ACACB: variants seen among roughly 807,000 people sequenced by gnomAD.
The protein encoded by ACACB is acetyl-CoA carboxylase 2.
Under a neutral mutation model 278.8 loss-of-function variants are expected in ACACB, and 209 were observed. That is an observed-to-expected ratio of 0.75 (90% CI 0.67 to 0.84). The LOEUF (loss-of-function observed/expected upper bound fraction) is 0.84. Ranked by LOEUF, ACACB falls within the 40% of genes least tolerant of loss-of-function variation. The pLI is 0.00. For missense variants in ACACB, 2,850 were observed against 3,269.0 expected, an observed-to-expected ratio of 0.87 and a Z score of 3.13; for synonymous variants, 1,174 against 1,285.6, an observed-to-expected ratio of 0.91 and a Z score of 1.86.
chr12:109,124,654 C>T (rs1043913585), intron 1 of ACACB, among the ~76,000 whole-genome samples: 7 of 152,120 alleles, frequency 4.6e-5, no homozygotes, highest in Non-Finnish European at 1.0e-4. Flanking sequence ...TTTCTACTTC[C>T]GTCAATCTTT....
intron 1 of ACACB, among the ~76,000 whole-genome samples, chr12:109,139,191 C>T (rs980739694): frequency 3.3e-5 from 5 of 152,100 alleles, no homozygotes; most frequent in African/African-American, 1.2e-4. Context: ...TTCCTTGAAC[C>T]TTGGCAGGAA....
At chr12:109,221,478 G>C (rs1334779311) in intron 24 of ACACB, among the ~76,000 whole-genome samples, 1 of 152,196 alleles carries the variant, frequency 6.6e-6, no homozygotes, top group East Asian at 1.9e-4. Flanking sequence ...AACACCGGCT[G>C]CACCCAGGCC....
chr12:109,260,172 G>A, intron 47 of ACACB: 4 of 1,422,246 alleles, frequency 2.8e-6, no homozygotes, highest in East Asian at 7.0e-5. Context: ...TTTCTTTGCT[G>A]GAAATGGTGG....
At chr12:109,210,503 G>C (rs1210622756) in intron 21 of ACACB, among the ~76,000 whole-genome samples, 1 of 146,008 alleles carries the variant, frequency 6.8e-6, no homozygotes, top group Non-Finnish European at 1.5e-5. Flanking sequence ...ACATGTATGT[G>C]TATATACGCA....
chr12:109,155,840 C>T (rs1295128392), intron 2 of ACACB, among the ~76,000 whole-genome samples: 3 of 151,922 alleles, frequency 2.0e-5, no homozygotes, highest in Admixed American at 6.6e-5. Flanking sequence ...TCAGTGTCTA[C>T]GAAAAAAGTT....
chr12:109,126,075 G>C (rs1295400992), intron 1 of ACACB, among the ~76,000 whole-genome samples: 5 of 152,196 alleles, frequency 3.3e-5, no homozygotes, highest in African/African-American at 1.2e-4. Flanking sequence ...AATACCTGCT[G>C]ATGAATGAGT....
At chr12:109,194,512 A>ATGTGTGTGCG (rs1555218202) in intron 16 of ACACB, among the ~76,000 whole-genome samples, 13 of 88,744 alleles carry the variant, frequency 1.5e-4, no homozygotes, top group African/African-American at 4.7e-4. Context: ...CTGTGTGTGC[A>ATGTGTGTGCG]TGTGTGTGTG....
intron 25 of ACACB, 83 bp from the exon 26 acceptor site, chr12:109,222,716 C>T (rs563746219): frequency 4.0e-6 from 6 of 1,511,950 alleles, no homozygotes; most frequent in Middle Eastern, 1.7e-4. Context: ...ACAGTCCCAC[C>T]GTGCTGCCGG....
intron 2 of ACACB, 47 bp from the exon 3 acceptor site, chr12:109,166,814 C>T (rs374895333): frequency 5.6e-6 from 9 of 1,613,226 alleles, no homozygotes; most frequent in Non-Finnish European, 5.9e-6. Context: ...CTCTGAGTCC[C>T]AGGCTTCTTC....
intron 28 of ACACB, among the ~76,000 whole-genome samples, chr12:109,230,126 C>T (rs900922623): frequency 6.6e-6 from 1 of 152,104 alleles, no homozygotes; most frequent in Non-Finnish European, 1.5e-5. Flanking sequence ...TTTGGTGAAG[C>T]GGGGATTTTT....
chr12:109,131,459 TG>T (rs1333289988), intron 1 of ACACB: 2 of 152,472 alleles, frequency 1.3e-5, no homozygotes, highest in Non-Finnish European at 2.9e-5. Flanking sequence ...GAGTTAATCT[TG>T]GTGGGAGGAA....
intron 6 of ACACB, 53 bp from the exon 7 acceptor site, chr12:109,174,079 A>G: frequency 1.3e-6 from 2 of 1,511,316 alleles, no homozygotes; most frequent in Non-Finnish European, 1.8e-6. Flanking sequence ...TTCAGCCTCG[A>G]GGGTCTTGTG....
At chr12:109,182,658 C>T (rs1485180177) in intron 11 of ACACB, among the ~76,000 whole-genome samples, 1 of 152,224 alleles carries the variant, frequency 6.6e-6, no homozygotes. Flanking sequence ...GCATGAGTCA[C>T]CATGCTCATC....
intron 17 of ACACB, among the ~76,000 whole-genome samples, chr12:109,199,154 C>G (rs978716921): frequency 1.3e-5 from 2 of 151,948 alleles, no homozygotes; most frequent in African/African-American, 2.4e-5. Flanking sequence ...CGCGCCACTG[C>G]ACTCCAGCCT....
At position 109,206,598 on chromosome 12, in the gene ACACB, ATCCTC is replaced by A. The variant is rs1565920955; in HGVS notation, c.2914-111_2914-107del. On this transcript the variant is annotated intron_variant, in intron 19 of 52. Coordinates refer to ENST00000338432, the MANE Select transcript of ACACB (RefSeq NM_001093.4). ...GTCTTTGATTTTTTCCTCAGACCTC[ATCCTC>A]ACTTGATTACGGAAGCCGGCAGATC... 3.8e-6 allele frequency: 5 copies of A among 1,303,010 alleles called. No homozygotes were observed. In the African/African-American group the frequency reaches 7.4e-5, roughly 19 times the overall value. 80.7% of individuals were successfully genotyped at this position (1,303,010 alleles called of 1,614,324 possible).
chr12:109,167,902 A>G lies in ACACB; in HGVS notation c.793A>G (p.Ile265Val). Residue 265 changes from isoleucine to valine, a missense_variant, in exon 4 of 53, where the codon ATT becomes GTT. Coordinates refer to ENST00000338432, the MANE Select transcript of ACACB (RefSeq NM_001093.4). ...GGDRVIEKVLIANNGIAAVKC... is the reference protein window; with the variant it reads ...GGDRVIEKVLVANNGIAAVKC... ...TCCTTGTCTTCCCATGCAGGTGCTT[A>G]TTGCCAACAACGGGATTGCCGCCGT... 6.2e-7 allele frequency: 1 copy of G among 1,613,780 alleles called. No homozygotes were observed. The highest frequency in any genetic ancestry group is 8.5e-7 in the Non-Finnish European group (1 of 1,179,938).
rs549064402 is a variant in ACACB, at chr12:109,140,634, G to A, written c.653+576G>A. Among the ~76,000 whole-genome samples, 495 of 152,246 alleles carry A rather than the reference G, an allele frequency of 3.3e-3. 2 individuals are homozygous for A. Among genetic ancestry groups the A allele is most frequent in the African/African-American group, 0.012 (478 of 41,540 alleles). On this transcript the variant is annotated intron_variant, in intron 2 of 52. Transcript: ENST00000338432. ...ATCACGTCACTGCACTCCAGCCTGGGTGACAGGGCGAGACCTTGTCTCAAA... is the reference window on the plus strand; with the variant it reads ...ATCACGTCACTGCACTCCAGCCTGGATGACAGGGCGAGACCTTGTCTCAAA...
At chr12:109,146,893 G>A (rs1331917589) in intron 2 of ACACB, among the ~76,000 whole-genome samples, 2 of 151,854 alleles carry the variant, frequency 1.3e-5, no homozygotes, top group African/African-American at 2.4e-5. Context: ...CAGGCTGGTC[G>A]GAATCTCATG....
chr12:109,150,681 C>T (rs928090112), intron 2 of ACACB, among the ~76,000 whole-genome samples: 14 of 152,196 alleles, frequency 9.2e-5, no homozygotes, highest in Non-Finnish European at 2.1e-4. Context: ...GCATCGCCCC[C>T]ACTTTCCCAG....
Sources: gnomAD v4.1 joint callset for allele counts (sites outside exome capture counted in the v4.1 genomes callset) on GRCh38, gnomAD v4.1.1 for gene constraint, MANE v1.5 for transcripts, NCBI Gene and HGNC (gene_info 2026-07-23, HGNC 2026-07-21) for gene names.